The following C2orf49 variants were observed in gnomAD, a reference collection of about 807,000 sequenced individuals.
C2orf49 encodes the protein tRNA splicing ligase complex subunit 2.
In C2orf49, 11 loss-of-function variants were observed where a neutral mutation model predicts 20.6. The ratio of observed to expected loss-of-function variants is 0.53; its 90% CI spans 0.34 to 0.88. The LOEUF (loss-of-function observed/expected upper bound fraction) is 0.88. Among genes scored for constraint, C2orf49 ranks in the 40% least tolerant of loss-of-function variants. C2orf49 has a pLI of 0.02. For missense variants in C2orf49, 289 were observed against 274.2 expected, an observed-to-expected ratio of 1.05 and a Z score of -0.38; for synonymous variants, 134 against 108.5, an observed-to-expected ratio of 1.24 and a Z score of -1.46.
chr2:105,368,518 A>T, the C2orf49 span, among the ~76,000 whole-genome samples: 3 of 152,162 alleles, frequency 2.0e-5, no homozygotes, highest in Non-Finnish European at 4.4e-5. Context: ...TTACTTGTAC[A>T]TCCCATTTAG....
At chr2:105,349,715 G>A (rs746179791), downstream of C2orf49, among the ~76,000 whole-genome samples, 8 of 152,098 alleles carry the variant, frequency 5.3e-5, no homozygotes, top group Non-Finnish European at 1.0e-4. Flanking sequence ...AGTAAAACAG[G>A]GTCAAGAAAT....
chr2:105,363,499 T>C, the C2orf49 span: 10 of 1,574,188 alleles, frequency 6.4e-6, no homozygotes, highest in African/African-American at 1.2e-4. Context: ...AGAGTTAGTG[T>C]GGCCTCTGTG....
chr2:105,371,575 T>TCTCTCC, the C2orf49 span, among the ~76,000 whole-genome samples: 1 of 151,662 alleles, frequency 6.6e-6, no homozygotes, highest in South Asian at 2.1e-4. Context: ...TCTCTCTCTC[T>TCTCTCC]CCTTATGTAT....
At chr2:105,344,727 C>T (rs1679766704) in intron 3 of C2orf49, among the ~76,000 whole-genome samples, 2 of 151,682 alleles carry the variant, frequency 1.3e-5, no homozygotes, top group South Asian at 4.2e-4. Flanking sequence ...TTATAGGCGC[C>T]TGCCACCACA....
At chr2:105,362,616 C>T in the C2orf49 span, among the ~76,000 whole-genome samples, 1 of 152,332 alleles carries the variant, frequency 6.6e-6, no homozygotes, top group African/African-American at 2.4e-5. Context: ...TATTACAGAA[C>T]ACACACTTTT....
At chr2:105,373,716 G>A in the C2orf49 span, 519 of 1,614,022 alleles carry the variant, frequency 3.2e-4, no homozygotes, top group Non-Finnish European at 4.1e-4. Context: ...GCCAGTGCCG[G>A]TCCTTGTAAG....
the C2orf49 span, among the ~76,000 whole-genome samples, chr2:105,364,504 C>T: frequency 2.6e-5 from 4 of 152,322 alleles, no homozygotes; most frequent in South Asian, 8.3e-4. Flanking sequence ...GCTGCAAAGC[C>T]ACATGAGGTG....
chr2:105,369,125 G>A, the C2orf49 span, among the ~76,000 whole-genome samples: 2 of 152,188 alleles, frequency 1.3e-5, no homozygotes, highest in Admixed American at 1.3e-4. Context: ...AAGGAAAAAT[G>A]TTGCCAATCC....
At chr2:105,356,423 C>T in the C2orf49 span, among the ~76,000 whole-genome samples, 1 of 151,908 alleles carries the variant, frequency 6.6e-6, no homozygotes, top group African/African-American at 2.4e-5. Flanking sequence ...CAGGCACACA[C>T]ACACAGCCAG....
downstream of C2orf49, among the ~76,000 whole-genome samples, chr2:105,354,074 A>G (rs1425577099): frequency 6.6e-6 from 1 of 152,298 alleles, no homozygotes; most frequent in Admixed American, 6.5e-5. Context: ...TGTGATCACA[A>G]GGTTTTCTTT....
downstream of C2orf49, among the ~76,000 whole-genome samples, chr2:105,354,117 A>G (rs1027962401): frequency 6.6e-6 from 1 of 152,198 alleles, no homozygotes; most frequent in Non-Finnish European, 1.5e-5. Context: ...TATTAACACC[A>G]CTGAGTTCTT....
the C2orf49 span, chr2:105,361,421 T>G: frequency 2.5e-6 from 4 of 1,613,942 alleles, no homozygotes; most frequent in Non-Finnish European, 3.4e-6. Flanking sequence ...AGATGTATTT[T>G]GTGCCACCAA....
chr2:105,372,584 T>C, the C2orf49 span, among the ~76,000 whole-genome samples: 1 of 152,070 alleles, frequency 6.6e-6, no homozygotes, highest in Non-Finnish European at 1.5e-5. Flanking sequence ...TTCTTTATTA[T>C]CAAAAACAAA....
chr2:105,371,827 T>A, the C2orf49 span, among the ~76,000 whole-genome samples: 1 of 152,216 alleles, frequency 6.6e-6, no homozygotes. Flanking sequence ...GTCGTGGTTC[T>A]TATTGTTACT....
At chr2:105,380,786 GAA>G in the C2orf49 span, among the ~76,000 whole-genome samples, 1 of 150,546 alleles carries the variant, frequency 6.6e-6, no homozygotes, top group Non-Finnish European at 1.5e-5. Flanking sequence ...CAAAAAGAAA[GAA>G]AAAAAAAGTC....
At chr2:105,358,215 G>C in the C2orf49 span, 1 of 152,148 alleles carries the variant, frequency 6.6e-6, no homozygotes, top group African/African-American at 2.4e-5. Context: ...AAGATTTCTC[G>C]TTCTCCGTAC....
Position 105,337,629 on chromosome 2 carries a change from A to T in C2orf49, c.42A>T (p.Glu14Asp). ...GCGGTCGCAGCTGCACGGACTCGGA[A>T]CTGCTGCTGCACCCGGAGCTGCTGT... ...DVGGRSCTDS[E>D]LLLHPELLSQ... The change falls in exon 1 of 4, where the codon GAA becomes GAT. Residue 14 changes from glutamate to aspartate, a missense_variant. Physicochemically the swap from Glu to Asp is conservative, Grantham distance 45. Transcript: ENST00000258457. 1 of 1,569,394 alleles carries T rather than the reference A, an allele frequency of 6.4e-7. No homozygotes were observed. Among genetic ancestry groups the T allele is most frequent in the Non-Finnish European group, 8.7e-7 (1 of 1,154,330 alleles).
At chr2:105,351,108 C>T (rs1022594374), downstream of C2orf49, among the ~76,000 whole-genome samples, 1 of 152,078 alleles carries the variant, frequency 6.6e-6, no homozygotes, top group African/African-American at 2.4e-5. Flanking sequence ...CTGTTTTTCT[C>T]ATGACTAGAC....
the C2orf49 span, among the ~76,000 whole-genome samples, chr2:105,369,632 T>C: frequency 6.6e-6 from 1 of 152,172 alleles, no homozygotes; most frequent in Non-Finnish European, 1.5e-5. Context: ...CATGAAGCAA[T>C]TGAAATTCAA....
Sources: gnomAD v4.1 joint callset for allele counts (sites outside exome capture counted in the v4.1 genomes callset) on GRCh38, gnomAD v4.1.1 for gene constraint, MANE v1.5 for transcripts, NCBI Gene and HGNC (gene_info 2026-07-23, HGNC 2026-07-21) for gene names.